The following AEBP2 variants were observed in gnomAD, a reference collection of about 807,000 sequenced individuals.
AEBP2 encodes the protein AE binding protein 2.
Under a neutral mutation model 50.8 loss-of-function variants are expected in AEBP2, and 10 were observed. The observed-to-expected ratio is 0.20, with a 90% CI of 0.12 to 0.33. AEBP2 has a LOEUF of 0.33. AEBP2 is among the 10% of genes least tolerant of loss of function. The pLI, the probability that AEBP2 is intolerant of heterozygous loss-of-function variation, is 1.00. For missense variants in AEBP2, 570 were observed against 688.0 expected, an observed-to-expected ratio of 0.83 and a Z score of 1.92; for synonymous variants, 296 against 261.3, an observed-to-expected ratio of 1.13 and a Z score of -1.28.
In AEBP2 at chr12:19,478,933, A is replaced by G. The variant is rs370425982; in HGVS notation, c.987+5578A>G. Among the ~76,000 whole-genome samples the G allele has an allele frequency of 1.1e-3, 160 of 152,270 alleles. 1 individual carries two copies. The highest frequency in any genetic ancestry group is 3.6e-3 in the African/African-American group (151 of 41,558). ...ATCCATGTCCTGATGAAAATAATGTATATCCTGGCCAGGCATGGTAGGTCT... is the reference window on the plus strand; with the variant it reads ...ATCCATGTCCTGATGAAAATAATGTGTATCCTGGCCAGGCATGGTAGGTCT... On this transcript the variant is annotated intron_variant, in intron 3 of 7. Coordinates refer to ENST00000266508, the MANE Select transcript of AEBP2 (RefSeq NM_153207.5).
At chr12:19,504,128 T>C (rs1332499545) in intron 5 of AEBP2, among the ~76,000 whole-genome samples, 1 of 152,132 alleles carries the variant, frequency 6.6e-6, no homozygotes, top group Non-Finnish European at 1.5e-5. Context: ...AATTAATTTA[T>C]GTTTTTAGTT....
intron 1 of AEBP2, among the ~76,000 whole-genome samples, chr12:19,432,344 A>C (rs2095751849): frequency 6.6e-6 from 1 of 152,144 alleles, no homozygotes; most frequent in Non-Finnish European, 1.5e-5. Context: ...GGGTTCCCCT[A>C]ACACAATGAT....
intron 1 of AEBP2, chr12:19,457,361 T>A: frequency 1.4e-6 from 2 of 1,454,214 alleles, no homozygotes; most frequent in South Asian, 2.4e-5. Context: ...TGGTTAAGTC[T>A]CTGTGTCCTA....
chr12:19,423,526 C>T (rs1426536789), intron 1 of AEBP2, among the ~76,000 whole-genome samples: 4 of 152,140 alleles, frequency 2.6e-5, no homozygotes, highest in African/African-American at 9.7e-5. Flanking sequence ...ATAATCTGGG[C>T]TAAGACTAAC....
chr12:19,432,819 C>T (rs2095752107), intron 1 of AEBP2, among the ~76,000 whole-genome samples: 1 of 152,040 alleles, frequency 6.6e-6, no homozygotes, highest in Non-Finnish European at 1.5e-5. Flanking sequence ...GACCCTTGCC[C>T]TTCTGGGACT....
intron 1 of AEBP2, among the ~76,000 whole-genome samples, chr12:19,424,872 G>T (rs1025189155): frequency 6.6e-6 from 1 of 152,100 alleles, no homozygotes; most frequent in South Asian, 2.1e-4. Flanking sequence ...AGCCAGGCAT[G>T]GTTGTGTGCA....
rs188193229 is a variant in AEBP2, at chr12:19,508,009, G to T, written c.1300-4389G>T. ...CATTAATTGAAATATTTTCTTTCGA[G>T]CCTTCTCCAGAAGAGGTCAGCAAAA... On this transcript the variant is annotated intron_variant, in intron 5 of 7. Coordinates refer to ENST00000266508, the MANE Select transcript of AEBP2 (RefSeq NM_153207.5). Among the ~76,000 whole-genome samples the T allele has an allele frequency of 5.9e-5, 9 of 152,244 alleles. No individual in the cohort carries two copies. The East Asian group carries it at 1.4e-3, about 23-fold the overall frequency.
intron 1 of AEBP2, among the ~76,000 whole-genome samples, chr12:19,449,845 A>G (rs1948135710): frequency 6.6e-6 from 1 of 152,208 alleles, no homozygotes; most frequent in South Asian, 2.1e-4. Context: ...GTTTCTCGCT[A>G]AAAATGATGA....
intron 1 of AEBP2, among the ~76,000 whole-genome samples, chr12:19,414,429 A>G (rs1273279573): frequency 6.6e-6 from 1 of 152,130 alleles, no homozygotes; most frequent in Non-Finnish European, 1.5e-5. Flanking sequence ...GTGGGCTTTC[A>G]GGATGCACTG....
intron 6 of AEBP2, 92 bp downstream of exon 6, chr12:19,512,557 A>G (rs1949249135): frequency 2.3e-6 from 2 of 887,090 alleles, no homozygotes; most frequent in South Asian, 3.8e-5. Context: ...AAATTCAAAT[A>G]AAAAGAAATT....
At chr12:19,462,380 A>T in intron 1 of AEBP2, 130 bp from the exon 2 acceptor site, 1 of 740,178 alleles carries the variant, frequency 1.4e-6, no homozygotes, top group South Asian at 2.1e-5. Context: ...TTTCTCATGG[A>T]GAATATGGTT....
chr12:19,428,275 C>T (rs1212647567), intron 1 of AEBP2, among the ~76,000 whole-genome samples: 1 of 152,136 alleles, frequency 6.6e-6, no homozygotes, highest in African/African-American at 2.4e-5. Flanking sequence ...AGATTTCTTT[C>T]TCCCTTACAA....
At chr12:19,509,319 C>T (rs563042735) in intron 5 of AEBP2, 10 of 209,364 alleles carry the variant, frequency 4.8e-5, no homozygotes, top group African/African-American at 2.3e-4. Context: ...ACTATGAATG[C>T]TTTTGGTTGG....
At chr12:19,509,820 CTTTTTTTTTTTT>C (rs57103167) in intron 5 of AEBP2, among the ~76,000 whole-genome samples, 3 of 68,774 alleles carry the variant, frequency 4.4e-5, no homozygotes, top group African/African-American at 1.2e-4. Context: ...TGGCTACTTT[CTTTTTTTTTTTT>C]TTTTTTTTTT....
intron 3 of AEBP2, among the ~76,000 whole-genome samples, chr12:19,476,823 G>T (rs2153373061): frequency 6.6e-6 from 1 of 152,218 alleles, no homozygotes; most frequent in South Asian, 2.1e-4. Flanking sequence ...ATGAATTTTA[G>T]GATAGTGTGT....
intron 2 of AEBP2, among the ~76,000 whole-genome samples, chr12:19,470,511 T>C (rs1948555350): frequency 6.6e-6 from 1 of 152,232 alleles, no homozygotes; most frequent in Admixed American, 6.5e-5. Context: ...CAGTTAACTT[T>C]GATCTCTTTA....
intron 1 of AEBP2, among the ~76,000 whole-genome samples, chr12:19,413,756 G>A (rs1488577304): frequency 1.3e-5 from 2 of 152,250 alleles, no homozygotes; most frequent in South Asian, 4.1e-4. Flanking sequence ...CATGGCATTT[G>A]TAAACTGTCA....
intron 2 of AEBP2, among the ~76,000 whole-genome samples, chr12:19,467,154 C>G (rs1948491194): frequency 6.6e-6 from 1 of 152,104 alleles, no homozygotes; most frequent in African/African-American, 2.4e-5. Flanking sequence ...GCTGGTCTTG[C>G]CTTGGCCTCC....
intron 1 of AEBP2, among the ~76,000 whole-genome samples, chr12:19,417,052 T>C (rs1200466915): frequency 6.6e-6 from 1 of 151,840 alleles, no homozygotes. Flanking sequence ...TTTGTATTTT[T>C]AGTAGAGACG....
Sources: gnomAD v4.1 joint callset for allele counts (sites outside exome capture counted in the v4.1 genomes callset) on GRCh38, gnomAD v4.1.1 for gene constraint, MANE v1.5 for transcripts, NCBI Gene and HGNC (gene_info 2026-07-23, HGNC 2026-07-21) for gene names.